GPC6: variants seen among roughly 807,000 people sequenced by gnomAD.
GPC6 encodes glypican 6, also known as glypican-6.
Under a neutral mutation model 55.2 loss-of-function variants are expected in GPC6, and 14 were observed. The ratio of observed to expected loss-of-function variants is 0.25; its 90% confidence interval spans 0.17 to 0.40. The LOEUF (loss-of-function observed/expected upper bound fraction) is 0.40, where lower values mean the gene tolerates loss of function less well. Among genes scored for constraint, GPC6 ranks in the 10% least tolerant of loss-of-function variants. The probability of loss-of-function intolerance (pLI) is 1.00; values close to 1 mark genes in which losing one functional copy is unlikely to be tolerated. For missense variants in GPC6, 641 were observed against 708.5 expected, an observed-to-expected ratio of 0.90 and a Z score of 1.08; for synonymous variants, 278 against 259.6, an observed-to-expected ratio of 1.07 and a Z score of -0.68.
rs973638881 is a variant in GPC6, at chr13:94,269,159, T to G, written c.878-17190T>G. ...GAAGTGGATGTTAACAGGTGGCCCCTCAACAACTGAGCCACACGTTCGCTT... is the reference window on the plus strand; with the variant it reads ...GAAGTGGATGTTAACAGGTGGCCCCGCAACAACTGAGCCACACGTTCGCTT... On this transcript the variant is annotated intron_variant, in intron 4 of 8. Coordinates refer to ENST00000377047, the MANE Select transcript of GPC6 (RefSeq NM_005708.5). 3.3e-5 allele frequency among the ~76,000 whole-genome samples: 5 copies of G among 152,310 alleles called. No individual in the cohort carries two copies. In the East Asian group the frequency reaches 9.6e-4, roughly 29 times the overall value.
chr13:93,933,187 AG>A (rs1353404083), intron 3 of GPC6, among the ~76,000 whole-genome samples: 2 of 151,928 alleles, frequency 1.3e-5, no homozygotes, highest in African/African-American at 4.8e-5. Flanking sequence ...AGTGGTTCTC[AG>A]CCAGAAGTGA....
chr13:93,437,089 T>C (rs1415612207), intron 1 of GPC6, among the ~76,000 whole-genome samples: 1 of 152,150 alleles, frequency 6.6e-6, no homozygotes, highest in Non-Finnish European at 1.5e-5. Context: ...AATATTGTAA[T>C]TGTCTTGGAG....
rs187718334 is a variant in GPC6 at position 94,011,106 on chromosome 13, C to T, written c.712-16623C>T. 2.0e-5 allele frequency among the ~76,000 whole-genome samples: 3 copies of T among 152,206 alleles called. No individual in the cohort carries two copies. The East Asian group carries it at 5.8e-4, about 29-fold the overall frequency. On this transcript the variant is annotated intron_variant, in intron 3 of 8. Coordinates refer to ENST00000377047, the MANE Select transcript of GPC6 (RefSeq NM_005708.5). The stretch of plus-strand genomic sequence containing the variant: ...ATTTAACTTCAGAATATTTTCCTTT[C>T]CACTAAAGGAGAAAAACATCAGTGC...
intron 2 of GPC6, among the ~76,000 whole-genome samples, chr13:93,638,495 A>G (rs1161726405): frequency 6.6e-6 from 1 of 152,140 alleles, no homozygotes; most frequent in Admixed American, 6.6e-5. Flanking sequence ...AAATACAAAA[A>G]CTATTACAAT....
chr13:94,184,631 C>CA (rs1303675992), intron 4 of GPC6, among the ~76,000 whole-genome samples: 1 of 151,874 alleles, frequency 6.6e-6, no homozygotes, highest in Non-Finnish European at 1.5e-5. Context: ...ATTAAAAAGC[C>CA]AAAAAACAAC....
intron 4 of GPC6, among the ~76,000 whole-genome samples, chr13:94,118,524 T>G (rs1242228068): frequency 6.7e-6 from 1 of 149,804 alleles, no homozygotes; most frequent in Non-Finnish European, 1.5e-5. Context: ...TCTTCACTTT[T>G]GCCAATCCCA....
chr13:94,158,905 G>C (rs1178524715), intron 4 of GPC6, among the ~76,000 whole-genome samples: 1 of 151,844 alleles, frequency 6.6e-6, no homozygotes, highest in Non-Finnish European at 1.5e-5. Flanking sequence ...TTTAAGATGC[G>C]TCTTATCTTT....
intron 1 of GPC6, among the ~76,000 whole-genome samples, chr13:93,261,881 T>C (rs1429936733): frequency 6.6e-6 from 1 of 151,906 alleles, no homozygotes; most frequent in African/African-American, 2.4e-5. Context: ...GAGGTAACTT[T>C]AGACTTTCTG....
chr13:93,625,029 T>G (rs1879144546), intron 2 of GPC6, among the ~76,000 whole-genome samples: 2 of 152,212 alleles, frequency 1.3e-5, no homozygotes, highest in Admixed American at 1.3e-4. Context: ...TTAAAATACC[T>G]TATGCTTACT....
At chr13:94,134,852 C>G (rs946781086) in intron 4 of GPC6, among the ~76,000 whole-genome samples, 3 of 152,160 alleles carry the variant, frequency 2.0e-5, no homozygotes, top group African/African-American at 7.2e-5. Context: ...CTGTAATGCT[C>G]TTATTTTCAC....
chr13:94,013,456 T>C (rs1282672881), intron 3 of GPC6, among the ~76,000 whole-genome samples: 1 of 152,172 alleles, frequency 6.6e-6, no homozygotes. Flanking sequence ...GTTCAAGCGA[T>C]TCTCCTGCCT....
At chr13:94,141,759 G>A (rs1887386060) in intron 4 of GPC6, among the ~76,000 whole-genome samples, 1 of 152,118 alleles carries the variant, frequency 6.6e-6, no homozygotes, top group African/African-American at 2.4e-5. Flanking sequence ...TTTTAACAAT[G>A]ATCTGTTCAC....
At chr13:93,777,633 T>C (rs113315260) in intron 2 of GPC6, among the ~76,000 whole-genome samples, 3 of 152,318 alleles carry the variant, frequency 2.0e-5, no homozygotes, top group African/African-American at 7.2e-5. Context: ...TATTTCCCTG[T>C]ATAGTAATAA....
intron 3 of GPC6, among the ~76,000 whole-genome samples, chr13:93,904,824 G>A (rs1288883953): frequency 1.3e-5 from 2 of 152,092 alleles, no homozygotes; most frequent in South Asian, 2.1e-4. Context: ...TGTGCACAAT[G>A]TGCAGGTTAC....
At chr13:93,251,648 C>G (rs1876790514) in intron 1 of GPC6, among the ~76,000 whole-genome samples, 1 of 152,150 alleles carries the variant, frequency 6.6e-6, no homozygotes, top group South Asian at 2.1e-4. Context: ...CCTATCTATA[C>G]AGAGAGAAGT....
intron 4 of GPC6, among the ~76,000 whole-genome samples, chr13:94,076,960 GTTTT>G (rs56870429): frequency 0.18 from 22,793 of 126,120 alleles, 1,848 homozygotes; most frequent in South Asian, 0.26. Flanking sequence ...TGGTGCTTCT[GTTTT>G]TTTTTTTTTT....
At chr13:94,311,218 C>CTTTTTT (rs34239151) in intron 6 of GPC6, among the ~76,000 whole-genome samples, 1 of 145,270 alleles carries the variant, frequency 6.9e-6, no homozygotes, top group African/African-American at 2.5e-5. Flanking sequence ...GCTAATAACA[C>CTTTTTT]TTTTTTTTTT....
intron 4 of GPC6, among the ~76,000 whole-genome samples, chr13:94,192,821 G>C (rs1273020131): frequency 6.6e-6 from 1 of 152,188 alleles, no homozygotes; most frequent in African/African-American, 2.4e-5. Flanking sequence ...AGGCAATGAA[G>C]TGGTGGGTGA....
At chr13:94,359,153 G>A (rs72647635) in intron 6 of GPC6, among the ~76,000 whole-genome samples, 36,835 of 151,998 alleles carry the variant, frequency 0.24, 4,767 homozygotes, top group Middle Eastern at 0.36. Flanking sequence ...ACCTTTTTGA[G>A]GACAAAAGAA....
Sources: allele counts gnomAD v4.1 joint callset (sites outside exome capture counted in the v4.1 genomes callset), GRCh38; gene constraint gnomAD v4.1.1; transcripts MANE v1.5; gene names NCBI Gene and HGNC (gene_info 2026-07-23, HGNC 2026-07-21).